Variants in DLG5 observed in about 807,000 individuals in gnomAD.
DLG5 encodes the protein disks large homolog 5.
DLG5 carries 48 observed loss-of-function variants against 189.8 expected under a neutral mutation model. The observed-to-expected ratio is 0.25, with a 90% confidence interval of 0.20 to 0.32. The LOEUF is 0.32. Among genes scored for constraint, DLG5 ranks in the 10% least tolerant of loss-of-function variants. DLG5 has a pLI of 1.00. For missense variants in DLG5, 2,160 were observed against 2,544.7 expected, an observed-to-expected ratio of 0.85 and a Z score of 3.25; for synonymous variants, 1,016 against 1,054.1, an observed-to-expected ratio of 0.96 and a Z score of 0.70.
the DLG5 span, among the ~76,000 whole-genome samples, chr10:77,938,188 A>G: frequency 6.6e-6 from 1 of 152,064 alleles, no homozygotes; most frequent in African/African-American, 2.4e-5. Context: ...TCATGCCTGT[A>G]ATCGCAACAC....
rs562634382 is a variant in DLG5, at chr10:77,828,939, C to T, written c.2232G>A (p.Leu744=). ...CTTCTTTAGCGGCAGGGCTTCCAGG[C>T]AGCACAGCGGCAGCATACACTCCAT... ...LENGVYAAAV[L]PGSPAAKEGS... The change falls in exon 13 of 32, where the codon CTG becomes CTA. Residue 744 remains leucine, a synonymous_variant. Transcript: ENST00000372391. 2.3e-5 allele frequency: 37 copies of T among 1,614,168 alleles called. No individual in the cohort carries two copies. The African/African-American group carries it at 4.0e-4, about 17-fold the overall frequency.
chr10:77,797,112 C>T (rs1279868447), intron 27 of DLG5, among the ~76,000 whole-genome samples: 1 of 152,232 alleles, frequency 6.6e-6, no homozygotes, highest in East Asian at 1.9e-4. Flanking sequence ...TGGAAGGGAC[C>T]TGGGTCCTGG....
intron 3 of DLG5, among the ~76,000 whole-genome samples, chr10:77,855,674 C>T (rs1398780662): frequency 6.6e-6 from 1 of 152,214 alleles, no homozygotes; most frequent in Non-Finnish European, 1.5e-5. Flanking sequence ...ATCCTGCCTT[C>T]GGGCCAACTG....
intron 2 of DLG5, among the ~76,000 whole-genome samples, chr10:77,864,601 C>G (rs1844602023): frequency 6.6e-6 from 1 of 152,238 alleles, no homozygotes. Context: ...AATCAGAAAC[C>G]CTGGGAGTAA....
At chr10:77,879,440 G>A (rs1845207441) in intron 1 of DLG5, among the ~76,000 whole-genome samples, 1 of 151,894 alleles carries the variant, frequency 6.6e-6, no homozygotes, top group Non-Finnish European at 1.5e-5. Context: ...TCTGAGTAGA[G>A]GAAAGCCATG....
chr10:77,858,296 G>T (rs1236140972), intron 2 of DLG5, among the ~76,000 whole-genome samples: 2 of 151,564 alleles, frequency 1.3e-5, no homozygotes, highest in African/African-American at 2.4e-5. Flanking sequence ...AGAAACAAAA[G>T]AAATATGTAT....
chr10:77,865,742 G>A (rs1196371982), intron 2 of DLG5, among the ~76,000 whole-genome samples: 2 of 152,130 alleles, frequency 1.3e-5, no homozygotes, highest in Non-Finnish European at 2.9e-5. Context: ...GCGGGGGAGG[G>A]CCTCGGGGAA....
chr10:77,920,469 C>G (rs1282490028), intron 1 of DLG5, among the ~76,000 whole-genome samples: 1 of 152,170 alleles, frequency 6.6e-6, no homozygotes, highest in African/African-American at 2.4e-5. Context: ...TGCGTGACAT[C>G]GCTGCTGCTT....
At chr10:77,918,799 C>T (rs1170315776) in intron 1 of DLG5, among the ~76,000 whole-genome samples, 1 of 152,202 alleles carries the variant, frequency 6.6e-6, no homozygotes, top group African/African-American at 2.4e-5. Flanking sequence ...CGCAGCTCAG[C>T]CCTCTTTCTC....
At chr10:77,819,247 A>T in intron 17 of DLG5, 74 bp downstream of exon 17, 1 of 1,605,554 alleles carries the variant, frequency 6.2e-7, no homozygotes, top group South Asian at 1.1e-5. Context: ...GAGCCTCTTT[A>T]TGCACTCATG....
the DLG5 span, among the ~76,000 whole-genome samples, chr10:77,933,666 G>A: frequency 4.0e-5 from 6 of 151,844 alleles, no homozygotes; most frequent in African/African-American, 9.7e-5. Context: ...AGAGGTTGCA[G>A]TGAGGAGAGA....
At chr10:77,845,852 G>C (rs1843661588) in intron 5 of DLG5, among the ~76,000 whole-genome samples, 1 of 150,076 alleles carries the variant, frequency 6.7e-6, no homozygotes, top group African/African-American at 2.5e-5. Flanking sequence ...TTGTAAAATG[G>C]CATCACTGTT....
intron 20 of DLG5, chr10:77,816,238 T>C (rs1362408813): frequency 8.0e-6 from 5 of 622,556 alleles, no homozygotes; most frequent in African/African-American, 5.4e-5. Context: ...TCTCGTGACT[T>C]AGCCACACGT....
At chr10:77,930,281 C>T (rs540307103), upstream of DLG5, among the ~76,000 whole-genome samples, 8 of 151,956 alleles carry the variant, frequency 5.3e-5, no homozygotes, top group Admixed American at 2.0e-4. Flanking sequence ...GACTGCTCAC[C>T]GCTTGGTTGG....
In DLG5 at chr10:77,812,389, T is replaced by C. The variant is rs1252084210; in HGVS notation, c.4026-12A>G. 1 of 1,600,612 alleles carries C rather than the reference T, an allele frequency of 6.2e-7. No individual in the cohort carries two copies. The highest frequency in any genetic ancestry group is 1.7e-5 in the Admixed American group (1 of 59,770). On this transcript the variant is annotated splice_polypyrimidine_tract_variant and intron_variant, in intron 20 of 31. Coordinates refer to ENST00000372391, the MANE Select transcript of DLG5 (RefSeq NM_004747.4). ...CCTCCACATAAGGCCTAAGGAAAAG[T>C]CAAAAGTTTCGGGGACTCAGGGTCA...
chr10:77,934,621 A>ACCC, the DLG5 span, among the ~76,000 whole-genome samples: 1 of 152,230 alleles, frequency 6.6e-6, no homozygotes, highest in Middle Eastern at 3.4e-3. Context: ...TCCCCAGCTG[A>ACCC]CAGCCAGCAA....
rs781743336 is a variant in DLG5, at chr10:77,794,956, G to T, written c.5439C>A (p.Asn1813Lys). Residue 1813 changes from asparagine (N) to lysine (K), a missense_variant and splice_region_variant, in exon 30 of 32, where the codon AAC becomes AAA. Transcript: ENST00000372391. ...VASIKEITEK[N>K]RHCLLDIAPH... ...GAGCAATGTCCAGGAGGCAGTGTCGGTTCTGGGGTGGGGGGTGCAGAGTGA... is the reference window on the plus strand; with the variant it reads ...GAGCAATGTCCAGGAGGCAGTGTCGTTTCTGGGGTGGGGGGTGCAGAGTGA... 15 of 1,613,244 alleles carry T rather than the reference G, an allele frequency of 9.3e-6. No individual in the cohort carries two copies. The highest frequency in any genetic ancestry group is 1.7e-4 in the Middle Eastern group (1 of 6,052).
At chr10:77,924,340 G>C (rs1846622750) in intron 1 of DLG5, among the ~76,000 whole-genome samples, 1 of 152,098 alleles carries the variant, frequency 6.6e-6, no homozygotes. Context: ...TTCCTTAGAG[G>C]TCAAGACTAG....
intron 1 of DLG5, among the ~76,000 whole-genome samples, chr10:77,905,264 G>T (rs1026338460): frequency 6.6e-6 from 1 of 152,032 alleles, no homozygotes; most frequent in African/African-American, 2.4e-5. Flanking sequence ...GCCTCCAAAA[G>T]TGCTGGGATT....
Sources: gnomAD v4.1 joint callset for allele counts (sites outside exome capture counted in the v4.1 genomes callset) on GRCh38, gnomAD v4.1.1 for gene constraint, MANE v1.5 for transcripts, NCBI Gene and HGNC (gene_info 2026-07-23, HGNC 2026-07-21) for gene names.